Variants in CHIC2 observed in about 807,000 individuals in gnomAD.
CHIC2 encodes cysteine-rich hydrophobic domain-containing protein 2.
CHIC2 carries 14 observed loss-of-function variants against 25.9 expected under a neutral mutation model. The observed-to-expected ratio is 0.54, with a 90% CI of 0.36 to 0.85. The LOEUF is 0.85. CHIC2 is among the 40% of genes least tolerant of loss of function. The pLI is 0.01. For missense variants in CHIC2, 146 were observed against 202.0 expected, an observed-to-expected ratio of 0.72 and a Z score of 1.68; for synonymous variants, 70 against 72.0, an observed-to-expected ratio of 0.97 and a Z score of 0.14.
chr4:54,018,389 C>T (rs946886251), intron 3 of CHIC2, among the ~76,000 whole-genome samples: 1 of 151,990 alleles, frequency 6.6e-6, no homozygotes, highest in South Asian at 2.1e-4. Flanking sequence ...TAATATTATT[C>T]CCTATAAACA....
chr4:54,066,921 G>C (rs950162738), upstream of CHIC2, among the ~76,000 whole-genome samples: 2 of 152,218 alleles, frequency 1.3e-5, no homozygotes, highest in African/African-American at 2.4e-5. Context: ...CAGTGGCCAA[G>C]ATAAGGGGCT....
chr4:54,058,936 T>C (rs937306032), intron 1 of CHIC2, among the ~76,000 whole-genome samples: 1 of 152,198 alleles, frequency 6.6e-6, no homozygotes, highest in Non-Finnish European at 1.5e-5. Flanking sequence ...TAGCTAGTCA[T>C]ATAAAATTTT....
chr4:54,040,463 G>C (rs1044589887), intron 3 of CHIC2, among the ~76,000 whole-genome samples: 1 of 151,950 alleles, frequency 6.6e-6, no homozygotes, highest in Non-Finnish European at 1.5e-5. Flanking sequence ...CACTTTGGGA[G>C]GCCGAAGCGG....
At chr4:54,068,205 G>A (rs976914070), upstream of CHIC2, among the ~76,000 whole-genome samples, 5 of 152,112 alleles carry the variant, frequency 3.3e-5, no homozygotes, top group Admixed American at 1.3e-4. Context: ...CCCAGGCTAC[G>A]ATGTACTGAA....
chr4:54,081,955 A>C, the CHIC2 span, among the ~76,000 whole-genome samples: 1 of 152,226 alleles, frequency 6.6e-6, no homozygotes, highest in Non-Finnish European at 1.5e-5. Flanking sequence ...GAGGTGGAGA[A>C]AGGTGTCAAT....
intron 3 of CHIC2, among the ~76,000 whole-genome samples, chr4:54,033,475 T>C (rs533926734): frequency 2.6e-5 from 4 of 152,312 alleles, no homozygotes; most frequent in South Asian, 2.1e-4. Flanking sequence ...TCCCAGTCAG[T>C]AGTTTGTCTT....
chr4:54,075,800 G>A, the CHIC2 span, among the ~76,000 whole-genome samples: 1 of 151,984 alleles, frequency 6.6e-6, no homozygotes. Flanking sequence ...GGCCCGCCTC[G>A]GCCTCCCAAA....
At chr4:54,055,791 A>G (rs2110090579) in intron 1 of CHIC2, among the ~76,000 whole-genome samples, 1 of 152,290 alleles carries the variant, frequency 6.6e-6, no homozygotes, top group South Asian at 2.1e-4. Flanking sequence ...ATGCATATAA[A>G]TCATGCTTTA....
the CHIC2 span, among the ~76,000 whole-genome samples, chr4:54,078,027 A>G: frequency 6.6e-6 from 1 of 152,240 alleles, no homozygotes; most frequent in East Asian, 1.9e-4. Context: ...TCCTAAGTCA[A>G]AATTTTTTTG....
intron 1 of CHIC2, among the ~76,000 whole-genome samples, chr4:54,054,038 T>C (rs556090686): frequency 6.6e-6 from 1 of 152,208 alleles, no homozygotes; most frequent in South Asian, 2.1e-4. Flanking sequence ...TCCGCCCACC[T>C]TGGCCTCCCA....
chr4:54,039,895 T>A (rs1468210202), intron 3 of CHIC2, among the ~76,000 whole-genome samples: 1 of 152,160 alleles, frequency 6.6e-6, no homozygotes, highest in Non-Finnish European at 1.5e-5. Flanking sequence ...AGAAAATAGA[T>A]GAATCTCAAA....
At chr4:54,041,150 G>C (rs541262744) in intron 3 of CHIC2, among the ~76,000 whole-genome samples, 4 of 151,510 alleles carry the variant, frequency 2.6e-5, no homozygotes, top group African/African-American at 9.7e-5. Flanking sequence ...TCCTGACCTC[G>C]TGAGGGGATG....
At chr4:54,078,950 C>A in the CHIC2 span, among the ~76,000 whole-genome samples, 2 of 151,640 alleles carry the variant, frequency 1.3e-5, no homozygotes, top group African/African-American at 4.8e-5. Context: ...GGTGCGGTGG[C>A]TCATGGCTGT....
the CHIC2 span, chr4:54,087,021 A>C: frequency 9.1e-7 from 1 of 1,103,578 alleles, no homozygotes; most frequent in Non-Finnish European, 1.4e-6. Context: ...TGCAGAGATG[A>C]GAGGGGCCTC....
chr4:54,053,806 T>G (rs887036398), intron 1 of CHIC2, among the ~76,000 whole-genome samples: 1 of 152,178 alleles, frequency 6.6e-6, no homozygotes, highest in Admixed American at 6.5e-5. Context: ...ATTTTATTTT[T>G]TTGAGACAGA....
the CHIC2 span, among the ~76,000 whole-genome samples, chr4:54,078,702 A>G: frequency 4.6e-5 from 7 of 151,664 alleles, no homozygotes; most frequent in African/African-American, 1.7e-4. Context: ...TTTAGTAGAG[A>G]TGGGGTTTCG....
intron 1 of CHIC2, chr4:54,060,394 G>A (rs1382951700): frequency 6.6e-6 from 1 of 151,972 alleles, no homozygotes; most frequent in Admixed American, 6.6e-5. Context: ...ATGAAGACAC[G>A]GTAAAATTAC....
chr4:54,048,916 C>T (rs747896071), intron 3 of CHIC2, 39 bp downstream of exon 3: 40 of 1,449,532 alleles, frequency 2.8e-5, no homozygotes, highest in South Asian at 8.7e-5. Context: ...CTTGCTTGTC[C>T]ACTTCTAAAT....
chr4:54,072,039 A>G, the CHIC2 span, among the ~76,000 whole-genome samples: 3 of 151,858 alleles, frequency 2.0e-5, no homozygotes, highest in Non-Finnish European at 4.4e-5. Flanking sequence ...TCACGTCTGT[A>G]ATCCCAGCAC....
Sources: allele counts gnomAD v4.1 joint callset (sites outside exome capture counted in the v4.1 genomes callset), GRCh38; gene constraint gnomAD v4.1.1; transcripts MANE v1.5; gene names NCBI Gene and HGNC (gene_info 2026-07-23, HGNC 2026-07-21).